LRP1B: variants seen among roughly 807,000 people sequenced by gnomAD.
The protein encoded by LRP1B is LDL receptor related protein 1B.
A neutral mutation model predicts 556.6 loss-of-function variants in LRP1B; 217 were observed. The observed-to-expected ratio is 0.39, with a 90% CI of 0.35 to 0.44. The LOEUF (loss-of-function observed/expected upper bound fraction) is 0.44. Among genes scored for constraint, LRP1B ranks in the 20% least tolerant of loss-of-function variants. The pLI, the probability that LRP1B is intolerant of heterozygous loss-of-function variation, is 1.00. For synonymous variants in LRP1B, 2,047 were observed against 1,865.8 expected (o/e 1.10, Z -2.50); for missense variants, 5,053 against 5,620.8 (o/e 0.90, Z 3.23).
At chr2:140,856,660 G>A (rs1692626002) in intron 27 of LRP1B, among the ~76,000 whole-genome samples, 1 of 151,774 alleles carries the variant, frequency 6.6e-6, no homozygotes, top group Non-Finnish European at 1.5e-5. Flanking sequence ...CAAGACAGAG[G>A]GCTGAATTTA....
At chr2:141,011,281 A>C (rs1489474275) in intron 14 of LRP1B, among the ~76,000 whole-genome samples, 1 of 151,750 alleles carries the variant, frequency 6.6e-6, no homozygotes, top group Non-Finnish European at 1.5e-5. Flanking sequence ...ATATGTATTA[A>C]TGTCTGAGAT....
Position 140,263,609 on chromosome 2 carries a change from G to C in LRP1B, c.13247+6633C>G, listed in dbSNP as rs1265900435. Among the ~76,000 whole-genome samples the C allele has an allele frequency of 2.0e-5, 3 of 152,084 alleles. No individual in the cohort carries two copies. The East Asian group carries it at 5.8e-4, about 29-fold the overall frequency. ...TTCGCATAGTCTCTGCTAAATGTAAGATTAATCGCTTGCAGTTTCTACCTT... is the reference window on the plus strand; with the variant it reads ...TTCGCATAGTCTCTGCTAAATGTAACATTAATCGCTTGCAGTTTCTACCTT... On this transcript the variant is annotated intron_variant, in intron 86 of 90. Coordinates refer to ENST00000389484, the MANE Select transcript of LRP1B (RefSeq NM_018557.3).
chr2:141,757,445 A>G (rs1694363510), intron 2 of LRP1B, among the ~76,000 whole-genome samples: 1 of 152,212 alleles, frequency 6.6e-6, no homozygotes, highest in Admixed American at 6.5e-5. Flanking sequence ...ATGCACACTA[A>G]TGTTTGAGTA....
chr2:141,463,887 T>C (rs1175008242), intron 3 of LRP1B, among the ~76,000 whole-genome samples: 1 of 148,040 alleles, frequency 6.8e-6, no homozygotes, highest in African/African-American at 2.5e-5. Flanking sequence ...TCATTTTATA[T>C]ATAGATATAT....
intron 35 of LRP1B, among the ~76,000 whole-genome samples, chr2:140,748,827 T>TTA (rs369730510): frequency 1.2e-5 from 1 of 80,024 alleles, no homozygotes; most frequent in Non-Finnish European, 2.6e-5. Context: ...ATAATATATA[T>TTA]CATATATTAT....
intron 1 of LRP1B, among the ~76,000 whole-genome samples, chr2:141,967,829 T>G (rs1013553431): frequency 6.6e-6 from 1 of 151,884 alleles, no homozygotes; most frequent in Non-Finnish European, 1.5e-5. Flanking sequence ...ACTCACACAA[T>G]TGAGTTTATA....
intron 66 of LRP1B, among the ~76,000 whole-genome samples, chr2:140,401,546 C>T (rs1684502347): frequency 6.6e-6 from 1 of 152,192 alleles, no homozygotes; most frequent in Non-Finnish European, 1.5e-5. Context: ...GCTGATCCAC[C>T]TGAGATAGGC....
chr2:140,825,609 T>C (rs1691475439), intron 31 of LRP1B, among the ~76,000 whole-genome samples: 1 of 152,212 alleles, frequency 6.6e-6, no homozygotes. Flanking sequence ...TTTAACGCAT[T>C]AAGCTAGTAG....
At chr2:141,463,727 C>T (rs1682042036) in intron 3 of LRP1B, among the ~76,000 whole-genome samples, 2 of 142,668 alleles carry the variant, frequency 1.4e-5, no homozygotes, top group South Asian at 4.3e-4. Flanking sequence ...TGGTAGGAAA[C>T]ATTTGGATAT....
intron 18 of LRP1B, among the ~76,000 whole-genome samples, chr2:140,979,651 C>A (rs529559573): frequency 8.5e-5 from 13 of 152,262 alleles, no homozygotes; most frequent in Non-Finnish European, 1.6e-4. Flanking sequence ...CATTTACCAA[C>A]ACAACAAGGA....
intron 1 of LRP1B, among the ~76,000 whole-genome samples, chr2:141,837,036 G>C (rs1697305607): frequency 1.3e-5 from 2 of 151,950 alleles, no homozygotes; most frequent in South Asian, 2.1e-4. Context: ...TGGTGAGATG[G>C]AGGTGTTAGA....
intron 86 of LRP1B, among the ~76,000 whole-genome samples, chr2:140,267,219 A>G (rs1423206427): frequency 6.6e-6 from 1 of 152,050 alleles, no homozygotes; most frequent in Non-Finnish European, 1.5e-5. Flanking sequence ...ATAGAGACTC[A>G]GATTATTACT....
chr2:140,979,232 G>A (rs1696692875), intron 18 of LRP1B, among the ~76,000 whole-genome samples: 1 of 152,084 alleles, frequency 6.6e-6, no homozygotes. Flanking sequence ...GCTCATCTTG[G>A]TCTCCCAAAG....
intron 6 of LRP1B, among the ~76,000 whole-genome samples, chr2:141,209,716 A>T (rs959200421): frequency 6.6e-6 from 1 of 152,218 alleles, no homozygotes; most frequent in African/African-American, 2.4e-5. Context: ...GTATAAAAGG[A>T]TGAAGGTACA....
chr2:141,192,121 C>T (rs1681541954), intron 6 of LRP1B, among the ~76,000 whole-genome samples: 1 of 151,762 alleles, frequency 6.6e-6, no homozygotes, highest in African/African-American at 2.4e-5. Flanking sequence ...GGCTTTGTTC[C>T]TCATTTTATA....
intron 43 of LRP1B, among the ~76,000 whole-genome samples, chr2:140,568,695 G>A (rs72975888): frequency 0.035 from 5,375 of 152,136 alleles, 312 homozygotes; most frequent in African/African-American, 0.12. Flanking sequence ...TAGTTAAATT[G>A]TCAAAAGTCA....
chr2:140,353,208 C>T (rs2105122784), intron 75 of LRP1B, 136 bp from the exon 76 acceptor site: 2 of 776,840 alleles, frequency 2.6e-6, no homozygotes, highest in Non-Finnish European at 4.1e-6. Context: ...AATCTGTGAC[C>T]TGCTGTGTCA....
Position 141,477,298 on chromosome 2 carries a change from G to GAA in LRP1B, c.343+3096_343+3097dup, listed in dbSNP as rs370141220. Among the ~76,000 whole-genome samples, 169 of 142,198 alleles carry GAA rather than the reference G, an allele frequency of 1.2e-3. 3 individuals carry two copies. The South Asian group carries it at 0.013, about 11-fold the overall frequency. 93.3% of individuals were successfully genotyped at this position (142,198 alleles called of 152,430 possible). ...AACCGAGTTAGACAGAATTGTTCTG[G>GAA]AAAAAAAAAAAAAAGAAAGAATTTC... On this transcript the variant is annotated intron_variant, in intron 3 of 90. Transcript: ENST00000389484.
intron 1 of LRP1B, among the ~76,000 whole-genome samples, chr2:141,935,848 G>T (rs781467457): frequency 6.6e-6 from 1 of 152,170 alleles, no homozygotes; most frequent in African/African-American, 2.4e-5. Flanking sequence ...AGCTATCTGG[G>T]AGGCTGAAGT....
Sources: allele counts gnomAD v4.1 joint callset (sites outside exome capture counted in the v4.1 genomes callset), GRCh38; gene constraint gnomAD v4.1.1; transcripts MANE v1.5; gene names NCBI Gene and HGNC (gene_info 2026-07-23, HGNC 2026-07-21).